The following TRAPPC9 variants were observed in gnomAD, a reference collection of about 807,000 sequenced individuals.
TRAPPC9 encodes trafficking protein particle complex subunit 9.
Under a neutral mutation model 124.0 loss-of-function variants are expected in TRAPPC9, and 83 were observed. The ratio of observed to expected loss-of-function variants is 0.67; its 90% confidence interval spans 0.56 to 0.80. The LOEUF (loss-of-function observed/expected upper bound fraction) is 0.80, where lower values mean the gene tolerates loss of function less well. Ranked by LOEUF, TRAPPC9 falls within the 30% of genes least tolerant of loss-of-function variation. The probability of loss-of-function intolerance (pLI) is 0.00; values close to 1 mark genes in which losing one functional copy is unlikely to be tolerated. For synonymous variants in TRAPPC9, 638 were observed against 617.5 expected, an observed-to-expected ratio of 1.03 and a Z score of -0.49; for missense variants, 1,302 against 1,508.3, an observed-to-expected ratio of 0.86 and a Z score of 2.27.
At chr8:140,034,823 T>C (rs1173887120) in intron 17 of TRAPPC9, among the ~76,000 whole-genome samples, 1 of 152,180 alleles carries the variant, frequency 6.6e-6, no homozygotes, top group Non-Finnish European at 1.5e-5. Context: ...CAAAGCCAGG[T>C]CTGAGTCCGA....
At chr8:140,012,589 G>C (rs1009471205) in intron 18 of TRAPPC9, among the ~76,000 whole-genome samples, 1 of 152,194 alleles carries the variant, frequency 6.6e-6, no homozygotes, top group Admixed American at 6.5e-5. Flanking sequence ...ATTCCAACAT[G>C]AGGCAGTCAG....
chr8:139,731,914 A>G, intron 22 of TRAPPC9, 65 bp downstream of exon 22: 1 of 1,455,288 alleles, frequency 6.9e-7, no homozygotes, highest in South Asian at 1.2e-5. Context: ...CCCACCACCC[A>G]GGGAAGGGGG....
At chr8:139,908,120 G>T (rs1443767567) in intron 20 of TRAPPC9, among the ~76,000 whole-genome samples, 1 of 152,182 alleles carries the variant, frequency 6.6e-6, no homozygotes, top group African/African-American at 2.4e-5. Flanking sequence ...GGAGGGGAGG[G>T]GAGGGCTCAA....
chr8:140,271,717 A>G (rs1287963505), intron 15 of TRAPPC9, among the ~76,000 whole-genome samples: 2 of 152,220 alleles, frequency 1.3e-5, no homozygotes, highest in South Asian at 2.1e-4. Context: ...CACTCTCACC[A>G]CTCTCATCTC....
chr8:140,111,966 G>C (rs551086134), intron 17 of TRAPPC9, among the ~76,000 whole-genome samples: 6 of 152,262 alleles, frequency 3.9e-5, no homozygotes, highest in African/African-American at 1.4e-4. Flanking sequence ...AGGCGCAGGC[G>C]CCATGGCAGG....
rs957141894 is a variant in TRAPPC9, at chr8:139,964,172, A to C, written c.2810+24554T>G. 3.4e-5 allele frequency among the ~76,000 whole-genome samples: 5 copies of C among 148,086 alleles called. No homozygotes were observed. The Admixed American group carries it at 3.4e-4, about 10-fold the overall frequency. On this transcript the variant is annotated intron_variant, in intron 19 of 22. Transcript: ENST00000438773. ...CTGGCAGGTGGAGCTTGCAGTGAGC[A>C]GAGATCGCGCCACCTGTACTCCAGC...
At chr8:140,447,671 A>G (rs1254772956) in intron 2 of TRAPPC9, among the ~76,000 whole-genome samples, 4 of 152,174 alleles carry the variant, frequency 2.6e-5, no homozygotes, top group African/African-American at 9.7e-5. Context: ...CGAAGGTAGA[A>G]TGACCTGTCA....
chr8:139,915,894 T>A (rs2290930), intron 19 of TRAPPC9, among the ~76,000 whole-genome samples: 6,773 of 152,258 alleles, frequency 0.044, 298 homozygotes, highest in African/African-American at 0.12. Flanking sequence ...GAAGCATACT[T>A]GTTGGGTCAC....
chr8:140,135,299 C>G (rs1355284000), intron 17 of TRAPPC9, among the ~76,000 whole-genome samples: 1 of 152,148 alleles, frequency 6.6e-6, no homozygotes, highest in Non-Finnish European at 1.5e-5. Flanking sequence ...GTCATAGAAA[C>G]TCCACTCCCA....
chr8:139,798,527 T>C (rs1435475422), intron 21 of TRAPPC9, among the ~76,000 whole-genome samples: 2 of 152,200 alleles, frequency 1.3e-5, no homozygotes, highest in African/African-American at 4.8e-5. Context: ...CAGAGACTGC[T>C]TGCTTGTTTG....
In TRAPPC9 at chr8:140,281,572, G is replaced by A. The variant is rs370471497; in HGVS notation, c.2114+2317C>T. Among the ~76,000 whole-genome samples the A allele has an allele frequency of 3.6e-4, 55 of 152,126 alleles. 1 individual carries two copies. The highest frequency in any genetic ancestry group is 1.2e-3 in the African/African-American group (51 of 41,422). On this transcript the variant is annotated intron_variant, in intron 14 of 22. Transcript: ENST00000438773. ...CTGTAACTTTCATTCTTTTAATGGT[G>A]TCTTTGGAAGCGTAAAAGCTTTTAA...
At chr8:140,374,297 C>G (rs2068371284) in intron 7 of TRAPPC9, among the ~76,000 whole-genome samples, 1 of 152,084 alleles carries the variant, frequency 6.6e-6, no homozygotes, top group Non-Finnish European at 1.5e-5. Flanking sequence ...TGGCCGGGCG[C>G]AGTGGCGCAC....
intron 17 of TRAPPC9, among the ~76,000 whole-genome samples, chr8:140,201,832 T>G (rs964357478): frequency 3.3e-5 from 5 of 152,122 alleles, no homozygotes; most frequent in African/African-American, 1.2e-4. Flanking sequence ...GACAGGATGA[T>G]GACCAAGCTT....
At chr8:140,325,074 T>C (rs1442609907) in intron 9 of TRAPPC9, among the ~76,000 whole-genome samples, 2 of 152,008 alleles carry the variant, frequency 1.3e-5, no homozygotes, top group African/African-American at 4.8e-5. Flanking sequence ...CGGCTGCAAA[T>C]ACCTGAAAAG....
intron 21 of TRAPPC9, among the ~76,000 whole-genome samples, chr8:139,779,012 A>G (rs1821587507): frequency 6.6e-6 from 1 of 152,156 alleles, no homozygotes; most frequent in African/African-American, 2.4e-5. Context: ...TTAATTTGCC[A>G]TTAAAAGTAA....
At chr8:139,840,941 G>A (rs865913275) in intron 21 of TRAPPC9, among the ~76,000 whole-genome samples, 6 of 152,136 alleles carry the variant, frequency 3.9e-5, no homozygotes, top group South Asian at 2.1e-4. Context: ...CTGATGCCTC[G>A]GGTCTGGGAG....
chr8:140,233,623 C>CCACACACACA (rs35452775), intron 16 of TRAPPC9, among the ~76,000 whole-genome samples: 5,123 of 90,818 alleles, frequency 0.056, 393 homozygotes, highest in African/African-American at 0.16. Context: ...TCTCTCCCCA[C>CCACACACACA]CACACACACA....
chr8:140,083,648 T>C (rs1256191639), intron 17 of TRAPPC9, among the ~76,000 whole-genome samples: 2 of 137,640 alleles, frequency 1.5e-5, no homozygotes, highest in Non-Finnish European at 3.1e-5. Context: ...TTTGGTGTTT[T>C]TTTGTTATTT....
Position 140,183,887 on chromosome 8 carries a change from AAGAGGAGAGGAGAGGAGAGG to A in TRAPPC9, c.2556+37552_2556+37571del, listed in dbSNP as rs1168676279. ...AAAGAAGAAGAAGAAGAAGAAGAAG[AAGAGGAGAGGAGAGGAGAGG>A]AGAGGAGAGGAGAGGAGAGGAGAGG... On this transcript the variant is annotated intron_variant, in intron 17 of 22. Coordinates refer to ENST00000438773, the MANE Select transcript of TRAPPC9 (RefSeq NM_001160372.4). Among the ~76,000 whole-genome samples the A allele has an allele frequency of 4.5e-4, 12 of 26,606 alleles. 1 individual carries two copies. The highest frequency in any genetic ancestry group is 9.0e-4 in the African/African-American group (5 of 5,554). The allele number at this position is 26,606 out of a possible 152,430, so 17.5% of individuals were successfully genotyped here.
Sources: gnomAD v4.1 joint callset for allele counts (sites outside exome capture counted in the v4.1 genomes callset) on GRCh38, gnomAD v4.1.1 for gene constraint, MANE v1.5 for transcripts, NCBI Gene and HGNC (gene_info 2026-07-23, HGNC 2026-07-21) for gene names.